Variants in ARFGEF2 observed in about 807,000 individuals in gnomAD.
ARFGEF2 encodes the protein ARF guanine nucleotide exchange factor 2.
A neutral mutation model predicts 219.9 loss-of-function variants in ARFGEF2; 74 were observed. The observed-to-expected ratio is 0.34, with a 90% CI of 0.28 to 0.41. ARFGEF2 has a LOEUF of 0.41. Ranked by LOEUF, ARFGEF2 falls within the 10% of genes least tolerant of loss-of-function variation. ARFGEF2 has a pLI of 1.00. For missense variants in ARFGEF2, 1,743 were observed against 2,218.3 expected (o/e 0.79, Z 4.30); for synonymous variants, 733 against 799.2 (o/e 0.92, Z 1.40).
At chr20:48,955,675 T>A (rs760225655) in intron 6 of ARFGEF2, among the ~76,000 whole-genome samples, 2 of 152,236 alleles carry the variant, frequency 1.3e-5, no homozygotes, top group African/African-American at 2.4e-5. Flanking sequence ...ACTTGGTGCA[T>A]CCTGTGAGAC....
chr20:48,990,593 A>G (rs181101037), intron 20 of ARFGEF2, among the ~76,000 whole-genome samples: 2 of 152,310 alleles, frequency 1.3e-5, no homozygotes, highest in East Asian at 3.9e-4. Flanking sequence ...TTGACGTTAG[A>G]CCATCTAGGT....
chr20:48,968,756 A>G (rs1030104741), intron 8 of ARFGEF2, among the ~76,000 whole-genome samples: 1 of 152,022 alleles, frequency 6.6e-6, no homozygotes, highest in African/African-American at 2.4e-5. Context: ...ACTTTTGATC[A>G]TTTTTCATTT....
At chr20:49,022,029 T>A (rs2091567802) in intron 34 of ARFGEF2, among the ~76,000 whole-genome samples, 1 of 149,508 alleles carries the variant, frequency 6.7e-6, no homozygotes, top group African/African-American at 2.5e-5. Context: ...ACACCTGTAA[T>A]CCCAGCTACC....
chr20:48,940,444 A>G (rs373860118), intron 1 of ARFGEF2, among the ~76,000 whole-genome samples: 1 of 152,244 alleles, frequency 6.6e-6, no homozygotes, highest in South Asian at 2.1e-4. Context: ...ACAACTTTCA[A>G]TATTTTATTG....
chr20:48,931,520 A>C (rs1052367344), intron 1 of ARFGEF2, among the ~76,000 whole-genome samples: 15 of 152,320 alleles, frequency 9.8e-5, no homozygotes, highest in African/African-American at 3.6e-4. Flanking sequence ...AAAAAGACTA[A>C]AAAAATGAAT....
intron 3 of ARFGEF2, among the ~76,000 whole-genome samples, chr20:48,944,178 G>T (rs959081573): frequency 6.6e-6 from 1 of 152,190 alleles, no homozygotes; most frequent in South Asian, 2.1e-4. Flanking sequence ...TTGTTAAATG[G>T]CAGGCTTCAG....
intron 14 of ARFGEF2, among the ~76,000 whole-genome samples, chr20:48,976,737 G>A (rs1289535335): frequency 1.3e-5 from 2 of 152,116 alleles, no homozygotes; most frequent in Non-Finnish European, 2.9e-5. Context: ...GAACCTGGGA[G>A]GCGGAGCTTG....
chr20:48,930,291 A>G (rs1186140355), intron 1 of ARFGEF2, among the ~76,000 whole-genome samples: 2 of 152,160 alleles, frequency 1.3e-5, no homozygotes, highest in African/African-American at 4.8e-5. Context: ...TGACCTAATC[A>G]CTTCTTAAAG....
intron 14 of ARFGEF2, among the ~76,000 whole-genome samples, chr20:48,979,403 T>G (rs2091282153): frequency 6.6e-6 from 1 of 152,182 alleles, no homozygotes; most frequent in Admixed American, 6.5e-5. Context: ...ATTTTCACAT[T>G]GATGTTCATC....
chr20:48,969,046 G>T, intron 8 of ARFGEF2, 101 bp from the exon 9 acceptor site: 1 of 1,228,170 alleles, frequency 8.1e-7, no homozygotes, highest in South Asian at 1.3e-5. Flanking sequence ...CTGCAGCCTT[G>T]ACCTCCTCGG....
At chr20:48,966,848 T>C (rs2091190887) in intron 8 of ARFGEF2, among the ~76,000 whole-genome samples, 1 of 152,192 alleles carries the variant, frequency 6.6e-6, no homozygotes, top group South Asian at 2.1e-4. Context: ...TAAGGGTTTG[T>C]TGTTCTTGTT....
intron 25 of ARFGEF2, among the ~76,000 whole-genome samples, chr20:49,002,499 G>A (rs1485703890): frequency 1.3e-5 from 2 of 152,258 alleles, no homozygotes; most frequent in East Asian, 3.9e-4. Context: ...GAATCATGCT[G>A]TGTTTGTCCT....
chr20:49,001,251 G>A (rs2091423348), intron 25 of ARFGEF2, among the ~76,000 whole-genome samples: 1 of 151,852 alleles, frequency 6.6e-6, no homozygotes. Flanking sequence ...TGTTGGCCAG[G>A]CTGGTCTGGA....
chr20:49,022,206 AAG>A (rs2091569452), intron 34 of ARFGEF2, among the ~76,000 whole-genome samples: 1 of 151,812 alleles, frequency 6.6e-6, no homozygotes. Context: ...GTTAACCACT[AAG>A]AGGAATAAAA....
At chr20:49,001,748 A>G (rs2091426413) in intron 25 of ARFGEF2, among the ~76,000 whole-genome samples, 1 of 152,162 alleles carries the variant, frequency 6.6e-6, no homozygotes, top group African/African-American at 2.4e-5. Flanking sequence ...AGTTTGTTGT[A>G]TATCTTTCCA....
intron 1 of ARFGEF2, among the ~76,000 whole-genome samples, chr20:48,930,534 T>C (rs2090906819): frequency 6.6e-6 from 1 of 152,162 alleles, no homozygotes; most frequent in Admixed American, 6.5e-5. Flanking sequence ...ATTGATAAGC[T>C]TGACTCTCCG....
At chr20:48,981,114 TG>T (rs2091292957) in intron 14 of ARFGEF2, among the ~76,000 whole-genome samples, 1 of 152,210 alleles carries the variant, frequency 6.6e-6, no homozygotes, top group Non-Finnish European at 1.5e-5. Flanking sequence ...TGCAGTGGCT[TG>T]TACCAGTTGT....
rs3091866 is a variant in ARFGEF2, at chr20:49,031,816, A to G, written c.5064-233A>G. Among the ~76,000 whole-genome samples the G allele has an allele frequency of 0.61, 92,453 of 151,662 alleles. 28,278 individuals are homozygous for G. Among genetic ancestry groups the G allele is most frequent in the East Asian group, 0.66 (3,411 of 5,154 alleles). ...ATGTAGTGTTAGCTGCTTCAGAGGC[A>G]GAGGTGGGAGGATCAGCTTGAGCCC... On this transcript the variant is annotated intron_variant, in intron 37 of 38. Transcript: ENST00000371917.
intron 3 of ARFGEF2, among the ~76,000 whole-genome samples, chr20:48,942,241 A>G (rs755357606): frequency 5.9e-5 from 9 of 152,226 alleles, no homozygotes; most frequent in Admixed American, 2.6e-4. Flanking sequence ...ATGTTTTTCT[A>G]AATGAAACCT....
Sources: allele counts gnomAD v4.1 joint callset (sites outside exome capture counted in the v4.1 genomes callset), GRCh38; gene constraint gnomAD v4.1.1; transcripts MANE v1.5; gene names NCBI Gene and HGNC (gene_info 2026-07-23, HGNC 2026-07-21).